The following PKHD1 variants were observed in gnomAD, a reference collection of about 807,000 sequenced individuals.
The protein encoded by PKHD1 is PKHD1 ciliary IPT domain containing fibrocystin/polyductin, also known as fibrocystin.
Under a neutral mutation model 412.0 loss-of-function variants are expected in PKHD1, and 291 were observed. The ratio of observed to expected loss-of-function variants is 0.71; its 90% CI spans 0.64 to 0.78. PKHD1 has a LOEUF of 0.78. Ranked by LOEUF, PKHD1 falls within the 30% of genes least tolerant of loss-of-function variation. The pLI is 0.00. For missense variants in PKHD1, 4,825 were observed against 4,950.7 expected (o/e 0.97, Z 0.76); for synonymous variants, 1,777 against 1,821.5 (o/e 0.98, Z 0.62).
chr6:51,817,193 C>T lies in PKHD1; in HGVS notation c.8302+13668G>A, dbSNP rs1052030786. 7.9e-5 allele frequency among the ~76,000 whole-genome samples: 12 copies of T among 152,048 alleles called. 1 individual carries two copies. Among genetic ancestry groups the T allele is most frequent in the Non-Finnish European group, 4.4e-5 (3 of 68,008 alleles). ...TTTTTCTCTAGGAGCATTTAGAAGT[C>T]AGCAATTTGGGAACCACTCTACATA... On this transcript the variant is annotated intron_variant, in intron 52 of 66. Transcript: ENST00000371117.
chr6:51,896,671 T>C (rs1780089418), intron 43 of PKHD1, among the ~76,000 whole-genome samples: 2 of 152,178 alleles, frequency 1.3e-5, no homozygotes, highest in Admixed American at 6.5e-5. Flanking sequence ...GGAGAATGAC[T>C]TTGACGAGCT....
At chr6:51,896,828 T>G (rs1583252893) in intron 43 of PKHD1, among the ~76,000 whole-genome samples, 1 of 151,748 alleles carries the variant, frequency 6.6e-6, no homozygotes, top group African/African-American at 2.4e-5. Context: ...AAGGAGCTGA[T>G]GGAGCTGAAA....
intron 60 of PKHD1, among the ~76,000 whole-genome samples, chr6:51,711,981 T>G (rs1159962437): frequency 6.6e-6 from 1 of 152,224 alleles, no homozygotes; most frequent in African/African-American, 2.4e-5. Flanking sequence ...AGGAGTAGCA[T>G]GTGAATCTAA....
chr6:52,071,349 A>G (rs1474082722), intron 8 of PKHD1, among the ~76,000 whole-genome samples: 1 of 151,944 alleles, frequency 6.6e-6, no homozygotes, highest in South Asian at 2.1e-4. Context: ...GTGTCATATG[A>G]CAAGTATAAC....
chr6:51,718,679 G>A (rs1038393214), intron 60 of PKHD1, among the ~76,000 whole-genome samples: 1 of 151,954 alleles, frequency 6.6e-6, no homozygotes, highest in Admixed American at 6.6e-5. Flanking sequence ...AAATAGAGAT[G>A]GTCTCAATGA....
At chr6:51,973,383 T>C (rs973541390) in intron 35 of PKHD1, among the ~76,000 whole-genome samples, 8 of 152,236 alleles carry the variant, frequency 5.3e-5, no homozygotes, top group African/African-American at 7.2e-5. Context: ...GAATTCATTG[T>C]ATGCAATTCA....
intron 36 of PKHD1, among the ~76,000 whole-genome samples, chr6:51,951,298 A>G (rs971336580): frequency 1.3e-5 from 2 of 152,110 alleles, no homozygotes; most frequent in Non-Finnish European, 2.9e-5. Context: ...TAAAATCTCA[A>G]GAAGAAAGCT....
intron 50 of PKHD1, among the ~76,000 whole-genome samples, chr6:51,844,351 T>A (rs934889984): frequency 1.1e-4 from 17 of 152,236 alleles, no homozygotes; most frequent in African/African-American, 3.9e-4. Flanking sequence ...TCCGTGAAGA[T>A]GTTTGCTGAG....
At chr6:52,047,098 G>A (rs1805966556) in intron 23 of PKHD1, among the ~76,000 whole-genome samples, 1 of 152,166 alleles carries the variant, frequency 6.6e-6, no homozygotes, top group African/African-American at 2.4e-5. Flanking sequence ...AAAAGGCCAG[G>A]CCAAGGCTGA....
rs557813637 is a variant in PKHD1 at position 51,738,292 on chromosome 6, T to C, written c.10156+6093A>G. On this transcript the variant is annotated intron_variant, in intron 60 of 66. Transcript: ENST00000371117. ...CCACCTTTCTTAAAATCTCCCAAAA[T>C]ATATAGAAATAGGAAATAAAACTGT... Among the ~76,000 whole-genome samples, 4 of 152,174 alleles carry C rather than the reference T, an allele frequency of 2.6e-5. No individual in the cohort carries two copies. The South Asian group carries it at 8.3e-4, about 32-fold the overall frequency.
intron 35 of PKHD1, among the ~76,000 whole-genome samples, chr6:51,963,917 G>A (rs1226912825): frequency 2.0e-5 from 3 of 151,982 alleles, no homozygotes; most frequent in Non-Finnish European, 4.4e-5. Context: ...TCTTCCTGGA[G>A]ATAAACACAT....
chr6:51,940,405 C>A (rs1788301117), intron 36 of PKHD1, among the ~76,000 whole-genome samples: 1 of 151,676 alleles, frequency 6.6e-6, no homozygotes, highest in Non-Finnish European at 1.5e-5. Context: ...AATGCCTGAA[C>A]CGCAGCTGTC....
At chr6:51,774,977 A>G (rs933580643) in intron 54 of PKHD1, among the ~76,000 whole-genome samples, 2 of 151,508 alleles carry the variant, frequency 1.3e-5, no homozygotes, top group African/African-American at 4.8e-5. Flanking sequence ...TCTTTTAGAT[A>G]TTGTATTGTC....
At chr6:52,060,668 T>TA (rs1222792358) in intron 14 of PKHD1, among the ~76,000 whole-genome samples, 1 of 152,184 alleles carries the variant, frequency 6.6e-6, no homozygotes, top group African/African-American at 2.4e-5. Flanking sequence ...AAGAACTGAT[T>TA]AGACTCTGTA....
chr6:51,748,284 C>T lies in PKHD1; in HGVS notation c.9332G>A (p.Cys3111Tyr), dbSNP rs1785504812. 6.2e-7 allele frequency: 1 copy of T among 1,613,944 alleles called. No homozygotes were observed. Among genetic ancestry groups the T allele is most frequent in the South Asian group, 1.1e-5 (1 of 91,082 alleles). ...AGACCAAAGCAGTTCACAAGAGGAGCACTTGTGGCCTCGGATGTGAAAGCC... is the reference window on the plus strand; with the variant it reads ...AGACCAAAGCAGTTCACAAGAGGAGTACTTGTGGCCTCGGATGTGAAAGCC... Reference protein sequence around the residue: ...RLGFHIRGHKCSSCELLWSDN... With the variant: ...RLGFHIRGHKYSSCELLWSDN... Residue 3111 changes from cysteine (C) to tyrosine (Y), a missense_variant, in exon 58 of 67, where the codon TGC (cysteine) becomes TAC (tyrosine). Transcript: ENST00000371117.
intron 35 of PKHD1, among the ~76,000 whole-genome samples, chr6:51,996,264 C>T (rs1797706499): frequency 6.6e-6 from 1 of 151,760 alleles, no homozygotes; most frequent in Admixed American, 6.6e-5. Context: ...CCGCCTCAGC[C>T]TCCCAAAGTG....
chr6:51,989,897 G>GAAGGAAGGAAGGAAAGAAGGAAGGAAGAA (rs1296315116), intron 35 of PKHD1, among the ~76,000 whole-genome samples: 1 of 9,440 alleles, frequency 1.1e-4, no homozygotes, highest in Non-Finnish European at 2.2e-4. Flanking sequence ...AGGAAGGAAG[G>GAAGGAAGGAAGGAAAGAAGGAAGGAAGAA]AGGGAGGAAG....
At chr6:51,668,583 T>C (rs544087217) in intron 60 of PKHD1, among the ~76,000 whole-genome samples, 1 of 152,302 alleles carries the variant, frequency 6.6e-6, no homozygotes, top group African/African-American at 2.4e-5. Context: ...CAACACTATG[T>C]TGAATAGGAG....
Position 51,886,163 on chromosome 6 carries a change from G to A in PKHD1, c.7110-191C>T, listed in dbSNP as rs78965888. Among the ~76,000 whole-genome samples, 4,589 of 152,030 alleles carry A rather than the reference G, an allele frequency of 0.03. 127 individuals are homozygous for A. The highest frequency in any genetic ancestry group is 0.11 in the East Asian group (583 of 5,170). Reference sequence around the variant, plus strand: ...CTTTTACCCTCTGTGACCTGCTCCCGAATCCCAACAAAATGCAGATTACTC... The same window carrying A: ...CTTTTACCCTCTGTGACCTGCTCCCAAATCCCAACAAAATGCAGATTACTC... On this transcript the variant is annotated intron_variant, in intron 44 of 66. Transcript: ENST00000371117.
Sources: allele counts gnomAD v4.1 joint callset (sites outside exome capture counted in the v4.1 genomes callset), GRCh38; gene constraint gnomAD v4.1.1; transcripts MANE v1.5; gene names NCBI Gene and HGNC (gene_info 2026-07-23, HGNC 2026-07-21).